RCE1: variants seen among roughly 807,000 people sequenced by gnomAD.
RCE1 encodes CAAX prenyl protease 2.
A neutral mutation model predicts 35.0 loss-of-function variants in RCE1; 15 were observed. The ratio of observed to expected loss-of-function variants is 0.43; its 90% confidence interval spans 0.29 to 0.66. The LOEUF (loss-of-function observed/expected upper bound fraction) is 0.66, where lower values mean the gene tolerates loss of function less well. Ranked by LOEUF, RCE1 falls within the 30% of genes least tolerant of loss-of-function variation. RCE1 has a pLI of 0.17. For synonymous variants in RCE1, 261 were observed against 192.7 expected (o/e 1.35, Z -2.94); for missense variants, 434 against 433.0 (o/e 1.00, Z -0.02).
rs746657109 is a variant in RCE1 at position 66,846,112 on chromosome 11, C to G, written c.*17C>G. On this transcript the variant is annotated 3_prime_UTR_variant, in exon 8 of 8. Transcript: ENST00000309657. ...TGCTCCTGACCTATGCTCCTGGATA[C>G]GCTATGAACTCTCACCGGCTCCCCA... 2 of 1,580,188 alleles carry G rather than the reference C, an allele frequency of 1.3e-6. No homozygotes were observed. The highest frequency in any genetic ancestry group is 1.7e-6 in the Non-Finnish European group (2 of 1,163,196).
At chr11:66,845,106 G>A in intron 5 of RCE1, 60 bp from the exon 6 acceptor site, 4 of 1,613,284 alleles carry the variant, frequency 2.5e-6, no homozygotes, top group Middle Eastern at 3.3e-4. Context: ...GAGGTGAGGG[G>A]CAGTCCTAGA....
chr11:66,845,498 A>G lies in RCE1; in HGVS notation c.692-2A>G. ...GGTCACTCGTGGCCTCCCCGTCTCCAGCGTTCCAGTTCTCCTACACAGCTG... is the reference window on the plus strand; with the variant it reads ...GGTCACTCGTGGCCTCCCCGTCTCCGGCGTTCCAGTTCTCCTACACAGCTG... On this transcript the variant is annotated splice_acceptor_variant, in intron 6 of 7. Coordinates refer to ENST00000309657, the MANE Select transcript of RCE1 (RefSeq NM_005133.3). LOFTEE classifies it high-confidence loss of function. 1.9e-6 allele frequency: 3 copies of G among 1,614,130 alleles called. No individual in the cohort carries two copies. Among genetic ancestry groups the G allele is most frequent in the Non-Finnish European group, 2.5e-6 (3 of 1,180,020 alleles).
chr11:66,844,222 G>A, intron 3 of RCE1, 64 bp from the exon 4 acceptor site: 2 of 1,610,580 alleles, frequency 1.2e-6, no homozygotes, highest in Admixed American at 1.7e-5. Flanking sequence ...GGAGTCTCAG[G>A]GAGCATGGGC....
Position 66,843,464 on chromosome 11 carries a change from G to A in RCE1, c.9G>A (p.Ala3=). ...CCGCGGGTCAGGGCGCAATGGCGGC[G>A]CTGGGCGGGGATGGGCTGCGACTGC... MA[A]LGGDGLRLLS... The change falls in exon 1 of 8, where the codon GCG becomes GCA. Residue 3 remains alanine, a synonymous_variant. Coordinates refer to ENST00000309657, the MANE Select transcript of RCE1 (RefSeq NM_005133.3). 7.1e-7 allele frequency: 1 copy of A among 1,412,932 alleles called. No individual in the cohort carries two copies. Among genetic ancestry groups the A allele is most frequent in the Non-Finnish European group, 9.1e-7 (1 of 1,097,572 alleles). The allele number at this position is 1,412,932 out of a possible 1,614,324, so 87.5% of individuals were successfully genotyped here.
chr11:66,844,156 C>A, intron 3 of RCE1, 117 bp downstream of exon 3: 1 of 1,588,836 alleles, frequency 6.3e-7, no homozygotes, highest in South Asian at 1.1e-5. Flanking sequence ...GAGATGGCCC[C>A]AGGGTCCTCC....
In RCE1 at chr11:66,845,847, C is replaced by G. The variant is rs377759504; in HGVS notation, c.755-13C>G. 33 of 1,610,730 alleles carry G rather than the reference C, an allele frequency of 2.0e-5. No individual in the cohort carries two copies. Among genetic ancestry groups the G allele is most frequent in the Admixed American group, 8.3e-5 (5 of 59,896 alleles). ...GTAGGGCTGCTCCCTGAGCTGCTGT[C>G]TCTTTTCCCCAGGACACCTGATTGG... On this transcript the variant is annotated splice_polypyrimidine_tract_variant and intron_variant, in intron 7 of 7. Coordinates refer to ENST00000309657, the MANE Select transcript of RCE1 (RefSeq NM_005133.3).
rs1419442090 is a variant in RCE1, at chr11:66,845,503, T to C, written c.695T>C (p.Phe232Ser). The C allele has an allele frequency of 6.2e-7, 1 of 1,614,168 alleles. No homozygotes were observed. The highest frequency in any genetic ancestry group is 8.5e-7 in the Non-Finnish European group (1 of 1,180,024). Residue 232 changes from phenylalanine (F) to serine (S), a missense_variant, in exon 7 of 8, where the codon TTC (phenylalanine) becomes TCC (serine). Transcript: ENST00000309657. ...CTCGTGGCCTCCCCGTCTCCAGCGT[T>C]CCAGTTCTCCTACACAGCTGTCTTC... ...SVGNIFLSAA[F>S]QFSYTAVFGA...
rs538803557 is a variant in RCE1, at chr11:66,844,809, T to C, written c.452-60T>C. The C allele has an allele frequency of 3.4e-5, 50 of 1,489,234 alleles. No individual in the cohort carries two copies. In the Admixed American group the frequency reaches 1.2e-3, roughly 35 times the overall value. 92.3% of individuals were successfully genotyped at this position (1,489,234 alleles called of 1,614,324 possible). On this transcript the variant is annotated intron_variant, in intron 4 of 7. Coordinates refer to ENST00000309657, the MANE Select transcript of RCE1 (RefSeq NM_005133.3). The stretch of plus-strand genomic sequence containing the variant: ...TTGTGGGAGAGGAGCCCTTGGAGCC[T>C]CTGGGGTCTCACTGTCTGACAGCCC...
At position 66,844,243 on chromosome 11, in the gene RCE1, G is replaced by A. The variant is rs202197998; in HGVS notation, c.373-43G>A. On this transcript the variant is annotated intron_variant, in intron 3 of 7. Coordinates refer to ENST00000309657, the MANE Select transcript of RCE1 (RefSeq NM_005133.3). Reference sequence around the variant, plus strand: ...TCAGGGAGCATGGGCAAAGGTCTGGGCAAAAGCGGTGGGTTATGGTGAAAG... The same window carrying A: ...TCAGGGAGCATGGGCAAAGGTCTGGACAAAAGCGGTGGGTTATGGTGAAAG... The A allele has an allele frequency of 1.2e-3, 1,927 of 1,613,776 alleles. 31 individuals carry two copies. In the South Asian group the frequency reaches 0.02, roughly 17 times the overall value.
At position 66,846,372 on chromosome 11, in the gene RCE1, GCTTCT is replaced by G. The variant is rs1189200684; in HGVS notation, c.*281_*285del. 1 of 367,820 alleles carries G rather than the reference GCTTCT, an allele frequency of 2.7e-6. No individual in the cohort carries two copies. The highest frequency in any genetic ancestry group is 4.9e-6 in the Non-Finnish European group (1 of 203,984). The allele number at this position is 367,820 out of a possible 1,614,324, so 22.8% of individuals were successfully genotyped here. ...ACTCCCTTCCTCACTTTGGACTGCT[GCTTCT>G]CTTAGCTCCTCTGCCTCTGAAAAGC... On this transcript the variant is annotated 3_prime_UTR_variant, in exon 8 of 8. Coordinates refer to ENST00000309657, the MANE Select transcript of RCE1 (RefSeq NM_005133.3).
intron 3 of RCE1, 67 bp from the exon 4 acceptor site, chr11:66,844,219 C>A (rs1378864173): frequency 1.9e-6 from 3 of 1,609,818 alleles, no homozygotes; most frequent in Admixed American, 1.7e-5. Context: ...CTTGGAGTCT[C>A]AGGGAGCATG....
intron 7 of RCE1, 141 bp from the exon 8 acceptor site, chr11:66,845,719 G>C: frequency 6.8e-7 from 1 of 1,464,770 alleles, no homozygotes; most frequent in South Asian, 1.2e-5. Flanking sequence ...AGGTGGAAAG[G>C]AGCAGAGGCC....
chr11:66,844,810 C>T lies in RCE1; in HGVS notation c.452-59C>T, dbSNP rs1945172419. On this transcript the variant is annotated intron_variant, in intron 4 of 7. Coordinates refer to ENST00000309657, the MANE Select transcript of RCE1 (RefSeq NM_005133.3). ...TGTGGGAGAGGAGCCCTTGGAGCCT[C>T]TGGGGTCTCACTGTCTGACAGCCCG... 2.7e-5 allele frequency: 40 copies of T among 1,490,208 alleles called. No homozygotes were observed. The South Asian group carries it at 5.1e-4, about 19-fold the overall frequency. 92.3% of individuals were successfully genotyped at this position (1,490,208 alleles called of 1,614,324 possible).
chr11:66,843,728 G>A (rs1027771357), intron 1 of RCE1, 31 bp from the exon 2 acceptor site: 2 of 1,609,450 alleles, frequency 1.2e-6, no homozygotes, highest in South Asian at 1.1e-5. Flanking sequence ...GGGCAGCCGC[G>A]GGCCCCCTGA....
At chr11:66,844,709 C>A in intron 4 of RCE1, 160 bp from the exon 5 acceptor site, 1 of 1,103,614 alleles carries the variant, frequency 9.1e-7, no homozygotes, top group Non-Finnish European at 1.2e-6. Flanking sequence ...CATCTCAAGA[C>A]ATTGGGTTTA....
rs776434852 is a variant in RCE1 at position 66,843,877 on chromosome 11, G to A, written c.288+16G>A. Reference sequence around the variant, plus strand: ...AGGCATCCAGGTGCGAAGGAGGCGGGGCAAAGGGCAACGGCGGTGAGAGCT... The same window carrying A: ...AGGCATCCAGGTGCGAAGGAGGCGGAGCAAAGGGCAACGGCGGTGAGAGCT... On this transcript the variant is annotated intron_variant, in intron 2 of 7. Transcript: ENST00000309657. 1.9e-6 allele frequency: 3 copies of A among 1,614,004 alleles called. No homozygotes were observed. Among genetic ancestry groups the A allele is most frequent in the African/African-American group, 1.3e-5 (1 of 74,936 alleles).
chr11:66,846,118 G>GA lies in RCE1; in HGVS notation c.*25dup. 1.3e-6 allele frequency: 2 copies of GA among 1,570,830 alleles called. No individual in the cohort carries two copies. The highest frequency in any genetic ancestry group is 1.7e-6 in the Non-Finnish European group (2 of 1,158,730). On this transcript the variant is annotated 3_prime_UTR_variant, in exon 8 of 8. Transcript: ENST00000309657. ...TGACCTATGCTCCTGGATACGCTAT[G>GA]AACTCTCACCGGCTCCCCAGCCCTC...
intron 4 of RCE1, 180 bp from the exon 5 acceptor site, chr11:66,844,689 C>A: frequency 1.0e-6 from 1 of 976,430 alleles, no homozygotes; most frequent in Non-Finnish European, 1.5e-6. Flanking sequence ...CTAATGCCTT[C>A]CATTCAGGTC....
intron 6 of RCE1, 85 bp from the exon 7 acceptor site, chr11:66,845,415 A>G (rs1591102294): frequency 6.2e-7 from 1 of 1,603,480 alleles, no homozygotes; most frequent in Non-Finnish European, 8.5e-7. Context: ...GGGGGAGGGG[A>G]TGGTCGGTCT....
Sources: allele counts gnomAD v4.1 joint callset, GRCh38; gene constraint gnomAD v4.1.1; transcripts MANE v1.5; gene names NCBI Gene and HGNC (gene_info 2026-07-23, HGNC 2026-07-21).